The following CHRM3 variants were observed in gnomAD, a reference collection of about 807,000 sequenced individuals.
CHRM3 encodes cholinergic receptor muscarinic 3.
In CHRM3, 11 loss-of-function variants were observed where a neutral mutation model predicts 41.8. That is an observed-to-expected ratio of 0.26 (90% CI 0.17 to 0.44). The LOEUF is 0.44. Among genes scored for constraint, CHRM3 ranks in the 20% least tolerant of loss-of-function variants. The pLI, the probability that CHRM3 is intolerant of heterozygous loss-of-function variation, is 1.00. For synonymous variants in CHRM3, 297 were observed against 301.4 expected, an observed-to-expected ratio of 0.99 and a Z score of 0.15; for missense variants, 571 against 745.4, an observed-to-expected ratio of 0.77 and a Z score of 2.72.
At chr1:239,482,861 A>G (rs1292881970) in intron 1 of CHRM3, among the ~76,000 whole-genome samples, 3 of 152,202 alleles carry the variant, frequency 2.0e-5, no homozygotes, top group African/African-American at 7.2e-5. Context: ...ATGGTATTTC[A>G]TCTTTGTTTA....
chr1:239,834,122 TC>T (rs2149112780), intron 6 of CHRM3, among the ~76,000 whole-genome samples: 1 of 146,844 alleles, frequency 6.8e-6, no homozygotes, highest in East Asian at 2.1e-4. Flanking sequence ...ATAACCTCAG[TC>T]CCCTTCTGGC....
chr1:239,668,697 T>C (rs1366361509), intron 4 of CHRM3, among the ~76,000 whole-genome samples: 3 of 152,194 alleles, frequency 2.0e-5, no homozygotes, highest in Admixed American at 6.5e-5. Context: ...ACATTAAAAA[T>C]AACTCTCAAC....
chr1:239,812,466 C>T (rs1314883188), intron 5 of CHRM3, among the ~76,000 whole-genome samples: 2 of 152,148 alleles, frequency 1.3e-5, no homozygotes, highest in Non-Finnish European at 2.9e-5. Flanking sequence ...AGTAGAACAA[C>T]TCAAGGTGTT....
At chr1:239,452,824 G>A (rs1308925897) in intron 1 of CHRM3, among the ~76,000 whole-genome samples, 5 of 151,458 alleles carry the variant, frequency 3.3e-5, no homozygotes, top group East Asian at 1.9e-4. Flanking sequence ...TTTTTGAGAC[G>A]GAGTCTTACT....
chr1:239,394,859 C>T (rs1659344486), intron 1 of CHRM3, among the ~76,000 whole-genome samples: 1 of 152,048 alleles, frequency 6.6e-6, no homozygotes, highest in Admixed American at 6.6e-5. Flanking sequence ...TCCTATGTGC[C>T]ACTTCTAAAT....
At chr1:239,532,009 C>CTTTTTTTT (rs34798101) in intron 2 of CHRM3, among the ~76,000 whole-genome samples, 115 of 76,288 alleles carry the variant, frequency 1.5e-3, no homozygotes, top group African/African-American at 1.8e-3. Flanking sequence ...TTCCTTCTTT[C>CTTTTTTTT]TTTTTTTTTT....
chr1:239,668,186 C>A (rs1426865165), intron 4 of CHRM3, among the ~76,000 whole-genome samples: 2 of 145,190 alleles, frequency 1.4e-5, no homozygotes, highest in Non-Finnish European at 3.0e-5. Context: ...GCAACCTCTG[C>A]CTCCGAGGCC....
intron 5 of CHRM3, among the ~76,000 whole-genome samples, chr1:239,781,505 A>G (rs892728348): frequency 1.3e-5 from 2 of 152,026 alleles, no homozygotes; most frequent in Admixed American, 6.6e-5. Context: ...TTGTTCTTCT[A>G]TTTTTGTTTT....
chr1:239,764,256 G>A (rs1667029880), intron 5 of CHRM3, among the ~76,000 whole-genome samples: 1 of 152,116 alleles, frequency 6.6e-6, no homozygotes, highest in South Asian at 2.1e-4. Flanking sequence ...ATTCTAAGTT[G>A]ACAAACAGGG....
intron 3 of CHRM3, among the ~76,000 whole-genome samples, chr1:239,593,998 A>G (rs1278776382): frequency 6.6e-6 from 1 of 152,210 alleles, no homozygotes; most frequent in African/African-American, 2.4e-5. Context: ...AATAATTATC[A>G]TCAAGCATGT....
intron 6 of CHRM3, among the ~76,000 whole-genome samples, chr1:239,849,333 A>G (rs923772094): frequency 4.6e-5 from 7 of 152,182 alleles, no homozygotes; most frequent in Admixed American, 3.9e-4. Flanking sequence ...TAGCACTGAG[A>G]TAAGACCAAC....
chr1:239,603,126 C>A (rs1665816149), intron 3 of CHRM3, among the ~76,000 whole-genome samples: 1 of 152,084 alleles, frequency 6.6e-6, no homozygotes, highest in African/African-American at 2.4e-5. Context: ...ATTTTAGTGA[C>A]CAGCTCATTT....
At chr1:239,632,961 A>G (rs1670014682) in intron 4 of CHRM3, among the ~76,000 whole-genome samples, 1 of 152,140 alleles carries the variant, frequency 6.6e-6, no homozygotes, top group Admixed American at 6.5e-5. Context: ...GGCGAAGGGG[A>G]AGCAAGCCAT....
intron 6 of CHRM3, among the ~76,000 whole-genome samples, chr1:239,836,484 G>C (rs1193127917): frequency 6.6e-6 from 1 of 152,026 alleles, no homozygotes; most frequent in African/African-American, 2.4e-5. Context: ...TTTCTTGGTT[G>C]TGGAGCTGCA....
Position 239,907,568 on chromosome 1 carries a change from C to T in CHRM3, c.117C>T (p.Ser39=). Residue 39 remains serine (S), a synonymous_variant, in exon 7 of 7, where the codon AGC becomes AGT. Coordinates refer to ENST00000676153, the MANE Select transcript of CHRM3 (RefSeq NM_001375978.1). This position sits in a 1 kb window ranked among gnomAD's most constrained non-coding sequence, Gnocchi z 5.4. The stretch of plus-strand genomic sequence containing the variant: ...CGGGAACCGTCACTCATTTCGGCAG[C>T]TACAATGTTTCTCGAGCAGCTGGCA... ...LPPGTVTHFG[S]YNVSRAAGNF... 1 of 1,614,180 alleles carries T rather than the reference C, an allele frequency of 6.2e-7. No homozygotes were observed. The highest frequency in any genetic ancestry group is 8.5e-7 in the Non-Finnish European group (1 of 1,180,034).
intron 1 of CHRM3, among the ~76,000 whole-genome samples, chr1:239,446,109 G>A (rs1370263750): frequency 6.6e-6 from 1 of 152,052 alleles, no homozygotes; most frequent in African/African-American, 2.4e-5. Context: ...GCTAATTTTT[G>A]TATTTTTAGT....
chr1:239,698,536 T>C (rs143167243), intron 5 of CHRM3, among the ~76,000 whole-genome samples: 1 of 152,194 alleles, frequency 6.6e-6, no homozygotes, highest in Non-Finnish European at 1.5e-5. Context: ...TTTCTGGAAG[T>C]AAAATACTTA....
intron 1 of CHRM3, among the ~76,000 whole-genome samples, chr1:239,459,475 A>G (rs1222181351): frequency 1.3e-5 from 2 of 152,130 alleles, no homozygotes; most frequent in South Asian, 4.1e-4. Flanking sequence ...TTCCATATTA[A>G]TATCATCCTT....
intron 6 of CHRM3, among the ~76,000 whole-genome samples, chr1:239,844,161 T>A (rs1015645408): frequency 6.6e-6 from 1 of 152,166 alleles, no homozygotes; most frequent in African/African-American, 2.4e-5. Flanking sequence ...CTTCCTATAG[T>A]TCTCTTGAAC....
Sources: gnomAD v4.1 joint callset for allele counts (sites outside exome capture counted in the v4.1 genomes callset) on GRCh38, gnomAD v4.1.1 for gene constraint, Gnocchi (gnomAD v3.1) non-coding constraint, MANE v1.5 for transcripts, NCBI Gene and HGNC (gene_info 2026-07-23, HGNC 2026-07-21) for gene names.